Variants in CACNA2D1 observed in about 807,000 individuals in gnomAD.
CACNA2D1 encodes the protein voltage-dependent calcium channel subunit alpha-2/delta-1.
In CACNA2D1, 53 loss-of-function variants were observed where a neutral mutation model predicts 171.5. That is an observed-to-expected ratio of 0.31 (90% CI 0.25 to 0.39). CACNA2D1 has a LOEUF of 0.39. Among genes scored for constraint, CACNA2D1 ranks in the 10% least tolerant of loss-of-function variants. The probability of loss-of-function intolerance (pLI) is 1.00; values close to 1 mark genes in which losing one functional copy is unlikely to be tolerated. For missense variants in CACNA2D1, 903 were observed against 1,299.8 expected, an observed-to-expected ratio of 0.69 and a Z score of 4.69; for synonymous variants, 442 against 443.1, an observed-to-expected ratio of 1.00 and a Z score of 0.03.
intron 4 of CACNA2D1, among the ~76,000 whole-genome samples, chr7:82,157,829 C>G (rs1204489464): frequency 6.6e-6 from 1 of 151,852 alleles, no homozygotes; most frequent in African/African-American, 2.4e-5. Flanking sequence ...AACATAAATA[C>G]CTCAGATTTT....
At chr7:82,443,278 A>C in intron 1 of CACNA2D1, 87 bp downstream of exon 1, 1 of 1,357,728 alleles carries the variant, frequency 7.4e-7, no homozygotes, top group Non-Finnish European at 1.0e-6. Context: ...CACGGGCGGA[A>C]AAGCCCCGCG....
intron 4 of CACNA2D1, among the ~76,000 whole-genome samples, chr7:82,166,027 G>GT (rs1245139761): frequency 6.6e-6 from 1 of 151,940 alleles, no homozygotes; most frequent in Non-Finnish European, 1.5e-5. Flanking sequence ...AATACAGTGT[G>GT]TTTTCCCATT....
intron 3 of CACNA2D1, among the ~76,000 whole-genome samples, chr7:82,209,226 G>A (rs184386500): frequency 6.6e-6 from 1 of 152,292 alleles, no homozygotes; most frequent in African/African-American, 2.4e-5. Context: ...ACCATTCATG[G>A]AGTCTCAGTG....
At chr7:82,312,666 A>C (rs1001272396) in intron 3 of CACNA2D1, among the ~76,000 whole-genome samples, 2 of 151,614 alleles carry the variant, frequency 1.3e-5, no homozygotes, top group Non-Finnish European at 2.9e-5. Context: ...ACAGGTGTGC[A>C]CTACCATGCC....
At chr7:82,130,138 T>C (rs905633921) in intron 5 of CACNA2D1, among the ~76,000 whole-genome samples, 8 of 152,198 alleles carry the variant, frequency 5.3e-5, no homozygotes, top group Non-Finnish European at 7.4e-5. Context: ...CTTAGATTTA[T>C]TGGGAAAGAA....
At chr7:82,046,231 T>A (rs1224616590) in intron 10 of CACNA2D1, among the ~76,000 whole-genome samples, 1 of 152,208 alleles carries the variant, frequency 6.6e-6, no homozygotes, top group Non-Finnish European at 1.5e-5. Flanking sequence ...AGTTAATTCA[T>A]GACTTTTGCT....
intron 5 of CACNA2D1, among the ~76,000 whole-genome samples, chr7:82,131,392 G>A (rs1282037574): frequency 6.6e-6 from 1 of 152,090 alleles, no homozygotes; most frequent in African/African-American, 2.4e-5. Context: ...AACCAATCAA[G>A]CTGTTTCTAC....
intron 3 of CACNA2D1, among the ~76,000 whole-genome samples, chr7:82,177,645 T>A (rs1253588578): frequency 6.6e-6 from 1 of 152,144 alleles, no homozygotes; most frequent in Non-Finnish European, 1.5e-5. Flanking sequence ...CAATTGCATA[T>A]TTACTAACAG....
intron 1 of CACNA2D1, chr7:82,410,425 T>C (rs965241489): frequency 1.5e-6 from 1 of 651,240 alleles, no homozygotes; most frequent in Admixed American, 6.3e-5. Context: ...CTGCTATCTA[T>C]CCAACATCTT....
intron 3 of CACNA2D1, among the ~76,000 whole-genome samples, chr7:82,192,328 T>C (rs1798379630): frequency 6.6e-6 from 1 of 151,556 alleles, no homozygotes. Context: ...GGTATTACTA[T>C]CACCATACTA....
intron 3 of CACNA2D1, among the ~76,000 whole-genome samples, chr7:82,295,169 T>A (rs1335306713): frequency 6.6e-6 from 1 of 152,068 alleles, no homozygotes; most frequent in Admixed American, 6.6e-5. Context: ...ACCTTAAACA[T>A]AAATGTTAAT....
At chr7:82,257,105 T>C (rs1335039014) in intron 3 of CACNA2D1, among the ~76,000 whole-genome samples, 1 of 152,208 alleles carries the variant, frequency 6.6e-6, no homozygotes, top group Non-Finnish European at 1.5e-5. Flanking sequence ...TCATTTTTTG[T>C]ATTTGTGTCA....
chr7:82,253,605 T>A (rs926519552), intron 3 of CACNA2D1, among the ~76,000 whole-genome samples: 23 of 152,218 alleles, frequency 1.5e-4, no homozygotes, highest in Admixed American at 1.4e-3. Flanking sequence ...GATACCGGCA[T>A]ACAAAATAAA....
intron 13 of CACNA2D1, among the ~76,000 whole-genome samples, 182 bp downstream of exon 13, chr7:82,014,216 TATA>T (rs1800144672): frequency 6.6e-6 from 1 of 152,182 alleles, no homozygotes; most frequent in African/African-American, 2.4e-5. Context: ...AGAATTTTCA[TATA>T]ATGTAATGCC....
intron 2 of CACNA2D1, among the ~76,000 whole-genome samples, chr7:82,347,842 G>GAT (rs1554519957): frequency 3.9e-5 from 6 of 151,966 alleles, no homozygotes; most frequent in African/African-American, 1.5e-4. Flanking sequence ...TGTTAATTCA[G>GAT]TCATTGATTA....
intron 1 of CACNA2D1, among the ~76,000 whole-genome samples, chr7:82,374,210 AC>A (rs1822750379): frequency 6.6e-6 from 1 of 152,234 alleles, no homozygotes; most frequent in African/African-American, 2.4e-5. Context: ...TGTTAAAAAG[AC>A]AGGTAATTTA....
intron 3 of CACNA2D1, among the ~76,000 whole-genome samples, chr7:82,287,923 C>T (rs946465905): frequency 6.6e-5 from 10 of 151,734 alleles, no homozygotes; most frequent in Admixed American, 3.9e-4. Context: ...CTCCGCCTCC[C>T]GGGTTTACAC....
At chr7:81,951,970 T>TTTTTTTTTTTTTTTTTTTG (rs1562762403) in intron 38 of CACNA2D1, among the ~76,000 whole-genome samples, 72 of 23,948 alleles carry the variant, frequency 3.0e-3, no homozygotes, top group South Asian at 9.9e-3. Flanking sequence ...GTACAAAGTG[T>TTTTTTTTTTTTTTTTTTTG]TTTTTTTTTT....
intron 3 of CACNA2D1, among the ~76,000 whole-genome samples, chr7:82,298,023 T>C (rs1287561147): frequency 1.3e-5 from 2 of 151,992 alleles, no homozygotes; most frequent in Non-Finnish European, 2.9e-5. Flanking sequence ...ACAAAATTAT[T>C]ATGAAATACA....
Sources: gnomAD v4.1 joint callset for allele counts (sites outside exome capture counted in the v4.1 genomes callset) on GRCh38, gnomAD v4.1.1 for gene constraint, MANE v1.5 for transcripts, NCBI Gene and HGNC (gene_info 2026-07-23, HGNC 2026-07-21) for gene names.